SLC6A3: variants seen among roughly 807,000 people sequenced by gnomAD.
The protein encoded by SLC6A3 is solute carrier family 6 member 3.
Under a neutral mutation model 70.4 loss-of-function variants are expected in SLC6A3, and 19 were observed. The observed-to-expected ratio is 0.27, with a 90% CI of 0.19 to 0.40. The LOEUF is 0.40. SLC6A3 is among the 10% of genes least tolerant of loss of function. The pLI, the probability that SLC6A3 is intolerant of heterozygous loss-of-function variation, is 1.00. For synonymous variants in SLC6A3, 368 were observed against 356.6 expected (o/e 1.03, Z -0.36); for missense variants, 613 against 838.5 (o/e 0.73, Z 3.32).
At chr5:1,418,074 G>A (rs1756348521) in intron 6 of SLC6A3, among the ~76,000 whole-genome samples, 1 of 152,210 alleles carries the variant, frequency 6.6e-6, no homozygotes. Context: ...GAGGGGAGGA[G>A]CCAAGCCGAG....
chr5:1,401,296 G>A lies in SLC6A3; in HGVS notation c.1768-310C>T, dbSNP rs1209650252. On this transcript the variant is annotated intron_variant, in intron 13 of 14. Coordinates refer to ENST00000270349, the MANE Select transcript of SLC6A3 (RefSeq NM_001044.5). This position sits in a 1 kb window ranked among gnomAD's most constrained non-coding sequence, Gnocchi z 6.1. ...AAAATAAAACGTGGTCCTGGAGATGGCTCTTGAGTCTAAGCTACCACGTGT... is the reference window on the plus strand; with the variant it reads ...AAAATAAAACGTGGTCCTGGAGATGACTCTTGAGTCTAAGCTACCACGTGT... 3.4e-6 allele frequency: 2 copies of A among 590,608 alleles called. No individual in the cohort carries two copies. Among genetic ancestry groups the A allele is most frequent in the Non-Finnish European group, 3.2e-6 (1 of 313,688 alleles). The allele number at this position is 590,608 out of a possible 1,614,324, so 36.6% of individuals were successfully genotyped here. A position where few individuals can be genotyped will look rare whatever the true frequency, so the allele number is the denominator to read the frequency against.
intron 4 of SLC6A3, among the ~76,000 whole-genome samples, chr5:1,432,230 A>T (rs1429929779): frequency 6.6e-6 from 1 of 152,152 alleles, no homozygotes; most frequent in Admixed American, 6.5e-5. Context: ...GGAGCTGCTC[A>T]GTGCCCCATC....
At chr5:1,433,000 T>G (rs1756741236) in intron 3 of SLC6A3, among the ~76,000 whole-genome samples, 1 of 152,092 alleles carries the variant, frequency 6.6e-6, no homozygotes, top group East Asian at 1.9e-4. Context: ...CCCAGAGCTA[T>G]GGCGAGTATC....
chr5:1,396,731 T>C lies in SLC6A3; in HGVS notation c.1840-1973A>G, dbSNP rs375410851. Among the ~76,000 whole-genome samples the C allele has an allele frequency of 1.3e-5, 2 of 151,868 alleles. No individual in the cohort carries two copies. Among genetic ancestry groups the C allele is most frequent in the East Asian group, 3.9e-4 (2 of 5,156 alleles). ...ACACAGGGCTGGGCACGGTGCCTGTTCCCCCAGCCAGGAGAATGTCATGAT... is the reference window on the plus strand; with the variant it reads ...ACACAGGGCTGGGCACGGTGCCTGTCCCCCCAGCCAGGAGAATGTCATGAT... On this transcript the variant is annotated intron_variant, in intron 14 of 14. Coordinates refer to ENST00000270349, the MANE Select transcript of SLC6A3 (RefSeq NM_001044.5). This position sits in a 1 kb window ranked among gnomAD's most constrained non-coding sequence, Gnocchi z 7.0.
intron 11 of SLC6A3, among the ~76,000 whole-genome samples, chr5:1,407,747 A>G (rs902752451): frequency 6.6e-6 from 1 of 152,168 alleles, no homozygotes; most frequent in Non-Finnish European, 1.5e-5. Flanking sequence ...TGATAGACAA[A>G]GTATTGATTC....
chr5:1,421,268 C>T lies in SLC6A3; in HGVS notation c.793-565G>A, dbSNP rs1452837750. Among the ~76,000 whole-genome samples, 1 of 151,704 alleles carries T rather than the reference C, an allele frequency of 6.6e-6. No individual in the cohort carries two copies. Among genetic ancestry groups the T allele is most frequent in the Admixed American group, 6.6e-5 (1 of 15,242 alleles). Reference sequence around the variant, plus strand: ...TCTTGGCTCACTGCAACCTCCGCCTCCTGGGTTCAAGCAATTCTCCTGCCT... The same window carrying T: ...TCTTGGCTCACTGCAACCTCCGCCTTCTGGGTTCAAGCAATTCTCCTGCCT... On this transcript the variant is annotated intron_variant, in intron 5 of 14. Transcript: ENST00000270349. The surrounding 1 kb of genome is among the most constrained non-coding windows in gnomAD (Gnocchi z 7.2).
rs1170256759 is a variant in SLC6A3 at position 1,411,245 on chromosome 5, C to T, written c.1267G>A (p.Ala423Thr). Residue 423 changes from alanine to threonine, a missense_variant and splice_region_variant, in exon 9 of 15, where the codon GCC becomes ACC. Physicochemically the swap from Ala to Thr is moderately conservative, Grantham distance 58. Transcript: ENST00000270349. This position sits in a 1 kb window ranked among gnomAD's most constrained non-coding sequence, Gnocchi z 6.5. Reference sequence around the variant, plus strand: ...GCCGGGCGGTGCGGGTTACTCACGGCGCTGTCGATACCCAGGGTGAGCAGC... The same window carrying T: ...GCCGGGCGGTGCGGGTTACTCACGGTGCTGTCGATACCCAGGGTGAGCAGC... The part of the protein sequence containing the change: ...IMLLTLGIDS[A>T]MGGMESVITG... 3.2e-6 allele frequency: 5 copies of T among 1,547,042 alleles called. No individual in the cohort carries two copies. Among genetic ancestry groups the T allele is most frequent in the Non-Finnish European group, 4.4e-6 (5 of 1,143,594 alleles).
At position 1,411,468 on chromosome 5, in the gene SLC6A3, CTGGTGCGGCTCTG is replaced by C. The variant is rs1395022855; in HGVS notation, c.1157-126_1157-114del. 5.0e-6 allele frequency: 4 copies of C among 798,046 alleles called. No individual in the cohort carries two copies. Among genetic ancestry groups the C allele is most frequent in the Non-Finnish European group, 8.6e-6 (4 of 467,396 alleles). The allele number at this position is 798,046 out of a possible 1,614,324, so 49.4% of individuals were successfully genotyped here. On this transcript the variant is annotated intron_variant, in intron 8 of 14. Coordinates refer to ENST00000270349, the MANE Select transcript of SLC6A3 (RefSeq NM_001044.5). This position sits in a 1 kb window ranked among gnomAD's most constrained non-coding sequence, Gnocchi z 6.5. ...TGCCACAGGCCTGTAGAGACTAGGG[CTGGTGCGGCTCTG>C]CTGAAAAGCCCCCTTCTATATGTCC...
rs555763970 is a variant in SLC6A3, at chr5:1,438,846, C to A, written c.418+2513G>T. Among the ~76,000 whole-genome samples, 1 of 152,232 alleles carries A rather than the reference C, an allele frequency of 6.6e-6. No homozygotes were observed. Among genetic ancestry groups the A allele is most frequent in the Non-Finnish European group, 1.5e-5 (1 of 68,038 alleles). On this transcript the variant is annotated intron_variant, in intron 3 of 14. Transcript: ENST00000270349. This position sits in a 1 kb window ranked among gnomAD's most constrained non-coding sequence, Gnocchi z 6.5. Reference sequence around the variant, plus strand: ...GATGTCGCTGCAGCCTGTGCCAGAGCACAATGTCATCTTTCCTCAGTTTCC... The same window carrying A: ...GATGTCGCTGCAGCCTGTGCCAGAGAACAATGTCATCTTTCCTCAGTTTCC...
intron 6 of SLC6A3, among the ~76,000 whole-genome samples, chr5:1,417,577 G>A (rs567023849): frequency 6.6e-6 from 1 of 152,380 alleles, no homozygotes; most frequent in Admixed American, 6.5e-5. Context: ...TGAAAGGAAA[G>A]GTGGGTGGGT....
intron 3 of SLC6A3, among the ~76,000 whole-genome samples, chr5:1,433,137 C>A (rs981578402): frequency 1.3e-5 from 2 of 152,128 alleles, no homozygotes; most frequent in Admixed American, 1.3e-4. Flanking sequence ...TTGAGGCCAT[C>A]TAGGGGGTAC....
intron 1 of SLC6A3, among the ~76,000 whole-genome samples, chr5:1,444,162 C>A (rs1392258647): frequency 6.6e-6 from 1 of 152,150 alleles, no homozygotes; most frequent in African/African-American, 2.4e-5. Flanking sequence ...GAGAGCTGGG[C>A]GGAGGATGGA....
chr5:1,394,693 C>T lies in SLC6A3; in HGVS notation c.*42G>A, dbSNP rs754388583. The T allele has an allele frequency of 1.3e-6, 2 of 1,597,582 alleles. No individual in the cohort carries two copies. The highest frequency in any genetic ancestry group is 2.7e-5 in the African/African-American group (2 of 74,636). On this transcript the variant is annotated 3_prime_UTR_variant, in exon 15 of 15. Coordinates refer to ENST00000270349, the MANE Select transcript of SLC6A3 (RefSeq NM_001044.5). This position sits in a 1 kb window ranked among gnomAD's most constrained non-coding sequence, Gnocchi z 4.7. ...TTTCCTTGGTTTGTTCGTGTCTCTCCCATTGCAGGATGACTTCCTGGGGTC... is the reference window on the plus strand; with the variant it reads ...TTTCCTTGGTTTGTTCGTGTCTCTCTCATTGCAGGATGACTTCCTGGGGTC...
At position 1,437,121 on chromosome 5, in the gene SLC6A3, C is replaced by T. The variant is rs895442927; in HGVS notation, c.418+4238G>A. 4.3e-4 allele frequency among the ~76,000 whole-genome samples: 65 copies of T among 151,862 alleles called. No homozygotes were observed. Among genetic ancestry groups the T allele is most frequent in the African/African-American group, 1.4e-3 (58 of 41,350 alleles). On this transcript the variant is annotated intron_variant, in intron 3 of 14. Coordinates refer to ENST00000270349, the MANE Select transcript of SLC6A3 (RefSeq NM_001044.5). This position sits in a 1 kb window ranked among gnomAD's most constrained non-coding sequence, Gnocchi z 4.8. ...AAAAAATTAGCGGGGCGTGGTGGCA[C>T]GCACCTGTAGCCCCAGCTACTCGGG...
intron 6 of SLC6A3, chr5:1,416,568 C>T (rs902841849): frequency 5.1e-6 from 2 of 389,158 alleles, no homozygotes; most frequent in Non-Finnish European, 9.8e-6. Flanking sequence ...CGGAACAGCA[C>T]GGCCTCATCT....
chr5:1,417,539 C>T lies in SLC6A3; in HGVS notation c.928-1338G>A, dbSNP rs540126138. ...ACACTGGTGCTGTGCCTGCCCAACT[C>T]GGTGGATGGCACCCACAACTCTGGA... On this transcript the variant is annotated intron_variant, in intron 6 of 14. Coordinates refer to ENST00000270349, the MANE Select transcript of SLC6A3 (RefSeq NM_001044.5). 1.2e-4 allele frequency among the ~76,000 whole-genome samples: 18 copies of T among 152,354 alleles called. No homozygotes were observed. The East Asian group carries it at 2.5e-3, about 21-fold the overall frequency.
chr5:1,417,157 A>G (rs1475507354), intron 6 of SLC6A3, among the ~76,000 whole-genome samples: 1 of 151,518 alleles, frequency 6.6e-6, no homozygotes, highest in African/African-American at 2.4e-5. Context: ...AACAGCACAG[A>G]CTCAACCACA....
Position 1,406,344 on chromosome 5 carries a change from T to A in SLC6A3, c.1499-56A>T. 7.1e-7 allele frequency: 1 copy of A among 1,415,836 alleles called. No individual in the cohort carries two copies. Among genetic ancestry groups the A allele is most frequent in the African/African-American group, 1.4e-5 (1 of 71,020 alleles). The allele number at this position is 1,415,836 out of a possible 1,614,324, so 87.7% of individuals were successfully genotyped here. On this transcript the variant is annotated intron_variant, in intron 11 of 14. Coordinates refer to ENST00000270349, the MANE Select transcript of SLC6A3 (RefSeq NM_001044.5). The surrounding 1 kb of genome is among the most constrained non-coding windows in gnomAD (Gnocchi z 8.8). ...TCAGGGCAGCGCATTCCCCCGATGCTGGACACGTGTGGGGGTCCTCGCTGA... is the reference window on the plus strand; with the variant it reads ...TCAGGGCAGCGCATTCCCCCGATGCAGGACACGTGTGGGGGTCCTCGCTGA...
chr5:1,441,881 C>T (rs913994325), intron 2 of SLC6A3, among the ~76,000 whole-genome samples: 3 of 151,874 alleles, frequency 2.0e-5, no homozygotes, highest in African/African-American at 4.8e-5. Context: ...GAATCTGTGA[C>T]CCCCCAACTC....
Sources: allele counts gnomAD v4.1 joint callset (sites outside exome capture counted in the v4.1 genomes callset), GRCh38; gene constraint gnomAD v4.1.1; non-coding constraint Gnocchi (gnomAD v3.1); transcripts MANE v1.5; gene names NCBI Gene and HGNC (gene_info 2026-07-23, HGNC 2026-07-21).